The following ADK variants were observed in gnomAD, a reference collection of about 807,000 sequenced individuals.
ADK encodes adenosine kinase, also known as N6,N6-dimethyladenosine kinase.
A neutral mutation model predicts 44.7 loss-of-function variants in ADK; 24 were observed. That is an observed-to-expected ratio of 0.54 (90% confidence interval 0.39 to 0.76). ADK has a LOEUF of 0.76. ADK is among the 30% of genes least tolerant of loss of function. The pLI, the probability that ADK is intolerant of heterozygous loss-of-function variation, is 0.00. For missense variants in ADK, 321 were observed against 425.1 expected (o/e 0.76, Z 2.15); for synonymous variants, 128 against 142.6 (o/e 0.90, Z 0.73).
At chr10:74,530,771 C>CA (rs943233802) in intron 7 of ADK, among the ~76,000 whole-genome samples, 11 of 152,028 alleles carry the variant, frequency 7.2e-5, no homozygotes, top group East Asian at 1.9e-4. Flanking sequence ...ACTAAAAATA[C>CA]AAAAAAGCCT....
chr10:74,488,674 A>G, intron 6 of ADK, among the ~76,000 whole-genome samples: 1 of 151,514 alleles, frequency 6.6e-6, no homozygotes, highest in Admixed American at 6.6e-5. Context: ...AAATGGAGAC[A>G]TCTAAATTGT....
chr10:74,556,229 G>A (rs747214800), intron 7 of ADK, among the ~76,000 whole-genome samples: 103 of 152,164 alleles, frequency 6.8e-4, no homozygotes, highest in Non-Finnish European at 1.4e-3. Context: ...CTACTGAAAT[G>A]TAGTTACCAT....
At chr10:74,175,921 A>C (rs1842321339) in intron 1 of ADK, among the ~76,000 whole-genome samples, 1 of 152,194 alleles carries the variant, frequency 6.6e-6, no homozygotes, top group Non-Finnish European at 1.5e-5. Flanking sequence ...ACTGCATTAA[A>C]CTGTAAGATT....
At chr10:74,466,953 C>T (rs926319110) in intron 6 of ADK, among the ~76,000 whole-genome samples, 9 of 151,984 alleles carry the variant, frequency 5.9e-5, no homozygotes, top group Admixed American at 4.6e-4. Flanking sequence ...TTTCCAAGAA[C>T]AGCATGATGA....
Position 74,302,090 on chromosome 10 carries a change from G to GTTTT in ADK, c.195-12570_195-12567dup, listed in dbSNP as rs68179517. Among the ~76,000 whole-genome samples, 15 of 17,030 alleles carry GTTTT rather than the reference G, an allele frequency of 8.8e-4. 1 individual carries two copies. In the East Asian group the frequency reaches 0.019, roughly 22 times the overall value. The allele number at this position is 17,030 out of a possible 152,430, so 11.2% of individuals were successfully genotyped here. A position where few individuals can be genotyped will look rare whatever the true frequency, so the allele number is the denominator to read the frequency against. On this transcript the variant is annotated intron_variant, in intron 3 of 10. Transcript: ENST00000539909. ...TTATTTTTGCTTTCTTTTCTTTTCT[G>GTTTT]TTTTTTTTTTGTTTGTTTGTTTTTT... is the stretch of plus-strand genomic sequence containing the variant.
chr10:74,416,015 TAC>T (rs951562488), intron 6 of ADK, among the ~76,000 whole-genome samples: 1 of 129,172 alleles, frequency 7.7e-6, no homozygotes, highest in South Asian at 2.4e-4. Context: ...CATTTATATA[TAC>T]ACACACATAC....
chr10:74,615,283 C>T (rs766299491), intron 9 of ADK, among the ~76,000 whole-genome samples: 1 of 152,092 alleles, frequency 6.6e-6, no homozygotes, highest in Non-Finnish European at 1.5e-5. Flanking sequence ...ATTATGGTTA[C>T]ATTATTCATT....
At chr10:74,326,499 C>T (rs933023758) in intron 4 of ADK, among the ~76,000 whole-genome samples, 1 of 151,282 alleles carries the variant, frequency 6.6e-6, no homozygotes, top group Non-Finnish European at 1.5e-5. Flanking sequence ...CTTGGGAGGC[C>T]TCTTGGGAGG....
At chr10:74,494,132 A>C (rs1847595009) in intron 6 of ADK, among the ~76,000 whole-genome samples, 1 of 152,144 alleles carries the variant, frequency 6.6e-6, no homozygotes, top group South Asian at 2.1e-4. Context: ...ATATGTACAC[A>C]GTTTACTGAT....
At chr10:74,454,752 G>GT (rs1318899065) in intron 6 of ADK, among the ~76,000 whole-genome samples, 3 of 152,186 alleles carry the variant, frequency 2.0e-5, no homozygotes, top group Non-Finnish European at 4.4e-5. Flanking sequence ...AAATCTGAGT[G>GT]TTTTTTATAT....
chr10:74,473,764 G>A (rs77624210), intron 6 of ADK, among the ~76,000 whole-genome samples: 1,682 of 152,196 alleles, frequency 0.011, 32 homozygotes, highest in African/African-American at 0.039. Context: ...TTTCTCCATT[G>A]TCTATTTGTT....
chr10:74,220,100 C>T (rs1024707044), intron 2 of ADK, among the ~76,000 whole-genome samples: 4 of 151,544 alleles, frequency 2.6e-5, no homozygotes, highest in Non-Finnish European at 5.9e-5. Context: ...TTGAAAGGAT[C>T]AACAAAATTG....
At chr10:74,371,104 A>T (rs1842643827) in intron 4 of ADK, among the ~76,000 whole-genome samples, 1 of 152,234 alleles carries the variant, frequency 6.6e-6, no homozygotes, top group Non-Finnish European at 1.5e-5. Flanking sequence ...TAGCTATTGC[A>T]ACTTTGGGGT....
intron 3 of ADK, among the ~76,000 whole-genome samples, chr10:74,231,501 T>C (rs533570770): frequency 2.0e-5 from 3 of 151,588 alleles, no homozygotes; most frequent in African/African-American, 4.8e-5. Context: ...AAGATCTAAC[T>C]CTGTTGCCCA....
At chr10:74,648,271 G>A (rs1411880284) in intron 9 of ADK, among the ~76,000 whole-genome samples, 1 of 152,140 alleles carries the variant, frequency 6.6e-6, no homozygotes, top group East Asian at 1.9e-4. Context: ...ATGAAAGAAT[G>A]CTAGACAGTA....
At chr10:74,526,309 GAAATGCTTATTTACTT>G (rs1468961071) in intron 7 of ADK, among the ~76,000 whole-genome samples, 5 of 151,996 alleles carry the variant, frequency 3.3e-5, no homozygotes, top group East Asian at 1.9e-4. Context: ...CTAAATTATG[GAAATGCTTATTTACTT>G]AAATGCTTAT....
At chr10:74,303,629 C>T (rs1200154701) in intron 3 of ADK, among the ~76,000 whole-genome samples, 1 of 83,920 alleles carries the variant, frequency 1.2e-5, no homozygotes, top group South Asian at 3.6e-4. Context: ...GAAAGGCATG[C>T]ACAAGATAAA....
At chr10:74,667,830 A>C (rs896533440) in intron 9 of ADK, among the ~76,000 whole-genome samples, 1 of 151,950 alleles carries the variant, frequency 6.6e-6, no homozygotes, top group African/African-American at 2.4e-5. Flanking sequence ...ACCATGCCTG[A>C]CCAGAAGTCA....
chr10:74,357,235 CAT>C (rs1842175612), intron 4 of ADK, among the ~76,000 whole-genome samples: 1 of 152,078 alleles, frequency 6.6e-6, no homozygotes, highest in East Asian at 1.9e-4. Context: ...TGTGTGTGTG[CAT>C]ATGTGTATGC....
Sources: allele counts gnomAD v4.1 joint callset (sites outside exome capture counted in the v4.1 genomes callset), GRCh38; gene constraint gnomAD v4.1.1; transcripts MANE v1.5; gene names NCBI Gene and HGNC (gene_info 2026-07-23, HGNC 2026-07-21).